Variants in ASTL observed in about 807,000 individuals in gnomAD.
ASTL encodes the protein astacin like metalloendopeptidase.
ASTL carries 27 observed loss-of-function variants against 36.7 expected under a neutral mutation model. The ratio of observed to expected loss-of-function variants is 0.73; its 90% CI spans 0.54 to 1.01. The LOEUF is 1.01. Among genes scored for constraint, ASTL ranks in the 50% least tolerant of loss-of-function variants. The pLI is 0.00. For missense variants in ASTL, 524 were observed against 572.8 expected (o/e 0.91, Z 0.87); for synonymous variants, 222 against 228.1 (o/e 0.97, Z 0.24).
At position 96,132,668 on chromosome 2, in the gene ASTL, G is replaced by T; in HGVS notation, c.509C>A (p.Pro170His). ...GCCCCGGCCCTTCTGGAGACACGTGGGCGCCAGGGAGACCACCTGCATCCC... is the reference window on the plus strand; with the variant it reads ...GCCCCGGCCCTTCTGGAGACACGTGTGCGCCAGGGAGACCACCTGCATCCC... ...SGGMQVVSLAPTCLQKGRGIV... is the reference protein window; with the variant it reads ...SGGMQVVSLAHTCLQKGRGIV... Residue 170 changes from proline to histidine, a missense_variant, in exon 6 of 9, where the codon CCC (proline) becomes CAC (histidine). By Grantham distance (77) the Pro-to-His change is moderately conservative (BLOSUM62 -2). Transcript: ENST00000342380. This position sits in a 1 kb window ranked among gnomAD's most constrained non-coding sequence, Gnocchi z 5.4. 6.2e-7 allele frequency: 1 copy of T among 1,613,138 alleles called. No homozygotes were observed. The highest frequency in any genetic ancestry group is 8.5e-7 in the Non-Finnish European group (1 of 1,179,516).
At chr2:96,126,855 C>CAAAAAAAAAAAAAAA (rs768527639) in intron 8 of ASTL, among the ~76,000 whole-genome samples, 1 of 117,830 alleles carries the variant, frequency 8.5e-6, no homozygotes. Flanking sequence ...GACTCCATCT[C>CAAAAAAAAAAAAAAA]AAAAAAAAAA....
Position 96,132,569 on chromosome 2 carries a change from A to G in ASTL, c.608T>C (p.Ile203Thr). 1.9e-6 allele frequency: 3 copies of G among 1,609,194 alleles called. No individual in the cohort carries two copies. In the South Asian group the frequency reaches 3.3e-5, roughly 18 times the overall value. ...CAGGATCTCGTTCCAGTTGACACGG[A>G]TATAGCGGTCCCGGTCGGCCCGCGT... is the stretch of plus-strand genomic sequence containing the variant. ...EHTRADRDRY[I>T]RVNWNEILPG... Residue 203 changes from isoleucine to threonine, a missense_variant, in exon 6 of 9, where the codon ATC becomes ACC. By Grantham distance (89) the Ile-to-Thr change is moderately conservative (BLOSUM62 -1). Coordinates refer to ENST00000342380, the MANE Select transcript of ASTL (RefSeq NM_001002036.4). The surrounding 1 kb of genome is among the most constrained non-coding windows in gnomAD (Gnocchi z 5.4).
Position 96,130,101 on chromosome 2 carries a change from T to C in ASTL, c.682A>G (p.Thr228Ala). Residue 228 changes from threonine (T) to alanine (A), a missense_variant, in exon 7 of 9, where the codon ACG (threonine) becomes GCG (alanine). Coordinates refer to ENST00000342380, the MANE Select transcript of ASTL (RefSeq NM_001002036.4). Reference protein sequence around the residue: ...FIKSQSSNMLTPYDYSSVMHY... With the variant: ...FIKSQSSNMLAPYDYSSVMHY... ...ATCACAGAGGAGTAGTCATAGGGCG[T>C]CAGCATGTTGCTGCTCTGAGACTTG... 1 of 1,614,134 alleles carries C rather than the reference T, an allele frequency of 6.2e-7. No homozygotes were observed. Among genetic ancestry groups the C allele is most frequent in the Non-Finnish European group, 8.5e-7 (1 of 1,179,980 alleles).
rs777378437 is a variant in ASTL at position 96,132,669 on chromosome 2, G to C, written c.508C>G (p.Pro170Ala). 2.5e-6 allele frequency: 4 copies of C among 1,613,016 alleles called. No individual in the cohort carries two copies. The African/African-American group carries it at 5.3e-5, about 22-fold the overall frequency. The change falls in exon 6 of 9, where the codon CCC becomes GCC. Residue 170 changes from proline to alanine, a missense_variant. Coordinates refer to ENST00000342380, the MANE Select transcript of ASTL (RefSeq NM_001002036.4). The surrounding 1 kb of genome is among the most constrained non-coding windows in gnomAD (Gnocchi z 5.4). ...SGGMQVVSLA[P>A]TCLQKGRGIV... ...CCCCGGCCCTTCTGGAGACACGTGG[G>C]CGCCAGGGAGACCACCTGCATCCCT... is the stretch of plus-strand genomic sequence containing the variant.
chr2:96,125,655 A>G (rs1682049880), intron 8 of ASTL, among the ~76,000 whole-genome samples: 1 of 152,162 alleles, frequency 6.6e-6, no homozygotes, highest in Non-Finnish European at 1.5e-5. Flanking sequence ...GAAAAATTGC[A>G]TACAAGGCCA....
intron 8 of ASTL, among the ~76,000 whole-genome samples, chr2:96,126,220 G>A (rs1297275572): frequency 6.6e-6 from 1 of 151,728 alleles, no homozygotes; most frequent in Admixed American, 6.6e-5. Context: ...TTAAAAAGTG[G>A]GAAAAACAAA....
rs1219381922 is a variant in ASTL, at chr2:96,137,615, G to A, written c.141C>T (p.Thr47=). 6.2e-7 allele frequency: 1 copy of A among 1,613,860 alleles called. No individual in the cohort carries two copies. The highest frequency in any genetic ancestry group is 2.2e-5 in the East Asian group (1 of 44,898). The part of the protein sequence containing the change: ...SFPDGLTPEG[T]QASGDKDIPA... The stretch of plus-strand genomic sequence containing the variant: ...GAATGTCCTTGTCCCCGGAGGCCTG[G>A]GTTCCCTCAGGGGTGAGGCCATCTG... The change falls in exon 2 of 9, where the codon ACC becomes ACT. Residue 47 remains threonine, a synonymous_variant. Transcript: ENST00000342380.
At position 96,132,712 on chromosome 2, in the gene ASTL, C is replaced by T. The variant is rs78275861; in HGVS notation, c.465G>A (p.Ser155=). 1.1e-3 allele frequency: 1,848 copies of T among 1,609,430 alleles called. 21 individuals carry two copies. The African/African-American group carries it at 0.022, about 19-fold the overall frequency. The change falls in exon 6 of 9, where the codon TCG becomes TCA. Residue 155 remains serine, a synonymous_variant. Transcript: ENST00000342380. The surrounding 1 kb of genome is among the most constrained non-coding windows in gnomAD (Gnocchi z 5.4). ...GCATCCCTCCACTGCGCCCCACACTCGAGAAGCACCTGCAGGGTGATGAGA... is the reference window on the plus strand; with the variant it reads ...GCATCCCTCCACTGCGCCCCACACTTGAGAAGCACCTGCAGGGTGATGAGA... The part of the protein sequence containing the change: ...ISIIPMYGCF[S]SVGRSGGMQV...
intron 3 of ASTL, 103 bp from the exon 4 acceptor site, chr2:96,134,161 A>G (rs1403042391): frequency 4.0e-6 from 3 of 754,950 alleles, no homozygotes; most frequent in Non-Finnish European, 4.7e-6. Flanking sequence ...AAGATGTGGG[A>G]GTCAGGACCT....
rs756052392 is a variant in ASTL, at chr2:96,133,438, T to A, written c.442A>T (p.Ile148Phe). The change falls in exon 5 of 9, where the codon ATC becomes TTC. Residue 148 changes from isoleucine to phenylalanine, a missense_variant. Transcript: ENST00000342380. ...YQDQRDFISI[I>F]PMYGCFSSVG... ...CCCGGCACTTACCCATACATGGGGA[T>A]GATGGAAATGAAGTCTCTCTGGTCC... The A allele has an allele frequency of 1.9e-6, 3 of 1,608,290 alleles. No individual in the cohort carries two copies. In the East Asian group the frequency reaches 6.7e-5, roughly 36 times the overall value.
chr2:96,135,351 C>T lies in ASTL; in HGVS notation c.243G>A (p.Pro81=), dbSNP rs370298467. The change falls in exon 3 of 9, where the codon CCG becomes CCA. Residue 81 remains proline, a splice_region_variant and synonymous_variant. Transcript: ENST00000342380. ...SFLIEGDIIR[P]SPFRLLSATS... ...CACACACGTCAGTGTGTGCACTCAC[C>T]GGCCGGATGATGTCCCCCTCGATGA... The T allele has an allele frequency of 1.5e-5, 25 of 1,613,824 alleles. No homozygotes were observed. The highest frequency in any genetic ancestry group is 8.9e-5 in the East Asian group (4 of 44,886).
At chr2:96,135,251 C>T (rs1037091623) in intron 3 of ASTL, 100 bp downstream of exon 3, 3 of 905,066 alleles carry the variant, frequency 3.3e-6, no homozygotes, top group Non-Finnish European at 5.4e-6. Context: ...CTATGTATGT[C>T]CCTCACACAT....
At chr2:96,129,768 A>G in intron 8 of ASTL, 56 bp downstream of exon 8, 1 of 1,487,898 alleles carries the variant, frequency 6.7e-7, no homozygotes, top group Non-Finnish European at 9.0e-7. Flanking sequence ...CCCTGACACC[A>G]TTAGAGCACA....
chr2:96,135,408 G>A lies in ASTL; in HGVS notation c.186C>T (p.Leu62=), dbSNP rs1414561249. The change falls in exon 3 of 9, where the codon CTC becomes CTT. Residue 62 remains leucine (L), a synonymous_variant. Transcript: ENST00000342380. ...TGCTCTCTGGGGTTTCTTCCAGGAT[G>A]AGCCCTGGGAAAGGAAGAAGGACGT... ...DKDIPAINQG[L]ILEETPESSF... 9 of 1,614,128 alleles carry A rather than the reference G, an allele frequency of 5.6e-6. No homozygotes were observed. The highest frequency in any genetic ancestry group is 2.2e-5 in the East Asian group (1 of 44,886).
intron 8 of ASTL, among the ~76,000 whole-genome samples, chr2:96,125,913 AT>A (rs1049322468): frequency 1.5e-3 from 228 of 148,098 alleles, no homozygotes; most frequent in African/African-American, 3.7e-3. Flanking sequence ...TCCTTTAGGG[AT>A]TTTTTTTTTT....
rs926798641 is a variant in ASTL, at chr2:96,124,307, C to T, written c.875-36G>A. On this transcript the variant is annotated intron_variant, in intron 8 of 8. Transcript: ENST00000342380. The surrounding 1 kb of genome is among the most constrained non-coding windows in gnomAD (Gnocchi z 4.1). ...AAAGACAGGAGGTGGAACCTCAGAA[C>T]TGTAGGATGACATGTGGCCCAGCTG... 16 of 1,481,702 alleles carry T rather than the reference C, an allele frequency of 1.1e-5. No individual in the cohort carries two copies. The highest frequency in any genetic ancestry group is 1.4e-5 in the Non-Finnish European group (16 of 1,116,934). 91.8% of individuals were successfully genotyped at this position (1,481,702 alleles called of 1,614,324 possible). A position where few individuals can be genotyped will look rare whatever the true frequency, so the allele number is the denominator to read the frequency against.
chr2:96,137,864 A>C, intron 1 of ASTL, 164 bp from the exon 2 acceptor site: 1 of 675,012 alleles, frequency 1.5e-6, no homozygotes, highest in South Asian at 2.1e-5. Flanking sequence ...CTCCCTGCTC[A>C]ACCCCAACTG....
At chr2:96,125,890 C>T (rs1682054117) in intron 8 of ASTL, among the ~76,000 whole-genome samples, 1 of 152,106 alleles carries the variant, frequency 6.6e-6, no homozygotes, top group Non-Finnish European at 1.5e-5. Context: ...GCACAAATTT[C>T]TCACCACATC....
chr2:96,137,448 A>G (rs1682324195), intron 2 of ASTL, 127 bp downstream of exon 2: 2 of 1,164,652 alleles, frequency 1.7e-6, no homozygotes, highest in African/African-American at 3.1e-5. Flanking sequence ...TCTCTTAAAA[A>G]CCACTTAGAG....
Sources: gnomAD v4.1 joint callset for allele counts (sites outside exome capture counted in the v4.1 genomes callset) on GRCh38, gnomAD v4.1.1 for gene constraint, Gnocchi (gnomAD v3.1) non-coding constraint, MANE v1.5 for transcripts, NCBI Gene and HGNC (gene_info 2026-07-23, HGNC 2026-07-21) for gene names.